IGSF21: variants seen among roughly 807,000 people sequenced by gnomAD.
IGSF21 encodes immunoglobulin superfamily member 21.
A neutral mutation model predicts 46.8 loss-of-function variants in IGSF21; 28 were observed. That is an observed-to-expected ratio of 0.60 (90% CI 0.44 to 0.82). The LOEUF is 0.82. Among genes scored for constraint, IGSF21 ranks in the 40% least tolerant of loss-of-function variants. IGSF21 has a pLI of 0.00. For synonymous variants in IGSF21, 284 were observed against 273.6 expected, an observed-to-expected ratio of 1.04 and a Z score of -0.38; for missense variants, 624 against 665.5, an observed-to-expected ratio of 0.94 and a Z score of 0.69.
chr1:18,208,548 ATTTTT>A (rs10601446), intron 1 of IGSF21, among the ~76,000 whole-genome samples: 33 of 85,832 alleles, frequency 3.8e-4, no homozygotes, highest in African/African-American at 1.2e-3. Context: ...AGCCCAGCTA[ATTTTT>A]TTTTTTTTTT....
chr1:18,121,916 CG>C (rs1156838215), intron 1 of IGSF21, among the ~76,000 whole-genome samples: 1 of 152,220 alleles, frequency 6.6e-6, no homozygotes, highest in Non-Finnish European at 1.5e-5. Flanking sequence ...TAAGGGGACA[CG>C]TTCTGTAGGC....
In IGSF21 at chr1:18,337,091, A is replaced by C. The variant is rs1405014570; in HGVS notation, c.424+2081A>C. Among the ~76,000 whole-genome samples, 2 of 152,200 alleles carry C rather than the reference A, an allele frequency of 1.3e-5. No homozygotes were observed. Among genetic ancestry groups the C allele is most frequent in the African/African-American group, 4.8e-5 (2 of 41,442 alleles). ...ATTTGAGTTGGGACACAGCCAAACC[A>C]TATCATGTATCATCAGAGGGTTGAC... is the stretch of plus-strand genomic sequence containing the variant. On this transcript the variant is annotated intron_variant, in intron 4 of 9. Coordinates refer to ENST00000251296, the MANE Select transcript of IGSF21 (RefSeq NM_032880.5). This position sits in a 1 kb window ranked among gnomAD's most constrained non-coding sequence, Gnocchi z 5.7.
intron 3 of IGSF21, among the ~76,000 whole-genome samples, chr1:18,294,271 G>T (rs528320165): frequency 2.4e-4 from 37 of 152,162 alleles, no homozygotes; most frequent in Non-Finnish European, 4.7e-4. Flanking sequence ...CAAGTGAAGT[G>T]CTGGTTTCCG....
At chr1:18,314,449 A>G (rs1351418106) in intron 3 of IGSF21, among the ~76,000 whole-genome samples, 1 of 152,194 alleles carries the variant, frequency 6.6e-6, no homozygotes, top group African/African-American at 2.4e-5. Context: ...ATTCATGCCT[A>G]ATTAATAATG....
At chr1:18,273,380 C>A (rs542653205) in intron 2 of IGSF21, among the ~76,000 whole-genome samples, 1 of 143,178 alleles carries the variant, frequency 7.0e-6, no homozygotes, top group Non-Finnish European at 1.5e-5. Flanking sequence ...CTTTCCTTTC[C>A]TTTCCTTTCC....
chr1:18,306,922 G>C (rs1339413955), intron 3 of IGSF21, among the ~76,000 whole-genome samples: 1 of 152,238 alleles, frequency 6.6e-6, no homozygotes, highest in Non-Finnish European at 1.5e-5. Flanking sequence ...TCCAGGCACA[G>C]CCAGGACTGG....
At chr1:18,117,845 C>T (rs1237237179) in intron 1 of IGSF21, among the ~76,000 whole-genome samples, 2 of 152,210 alleles carry the variant, frequency 1.3e-5, no homozygotes, top group African/African-American at 4.8e-5. Context: ...TCTCCTCTCT[C>T]CCCATTTTAC....
chr1:18,330,745 T>C (rs976092974), intron 3 of IGSF21, among the ~76,000 whole-genome samples: 1 of 152,194 alleles, frequency 6.6e-6, no homozygotes, highest in African/African-American at 2.4e-5. Context: ...TGATGATTCT[T>C]ATCTCTCTTT....
intron 4 of IGSF21, among the ~76,000 whole-genome samples, chr1:18,347,667 G>A (rs776470595): frequency 6.6e-5 from 10 of 152,182 alleles, no homozygotes; most frequent in Non-Finnish European, 8.8e-5. Context: ...GGAGGGAAGC[G>A]AGGCCTTTGA....
chr1:18,377,325 G>A (rs1383477608), intron 8 of IGSF21, 68 bp from the exon 9 acceptor site: 8 of 1,372,792 alleles, frequency 5.8e-6, no homozygotes, highest in Non-Finnish European at 7.3e-6. Context: ...GCTGGGTAAA[G>A]GGCCATTCCT....
chr1:18,249,608 G>A (rs1228531084), intron 2 of IGSF21, among the ~76,000 whole-genome samples: 1 of 152,162 alleles, frequency 6.6e-6, no homozygotes, highest in East Asian at 1.9e-4. Flanking sequence ...AAGCTGTTTT[G>A]CCCCCGTGGT....
intron 1 of IGSF21, among the ~76,000 whole-genome samples, chr1:18,202,267 C>T (rs2124483700): frequency 1.3e-5 from 2 of 152,314 alleles, no homozygotes; most frequent in Middle Eastern, 6.8e-3. Context: ...CTCACATTCT[C>T]AGGGCTGGCT....
intron 1 of IGSF21, among the ~76,000 whole-genome samples, chr1:18,120,117 G>C (rs564765403): frequency 6.6e-6 from 1 of 152,350 alleles, no homozygotes; most frequent in East Asian, 1.9e-4. Context: ...TCAGCCTGGA[G>C]CGTCTGAGGA....
At chr1:18,164,453 C>T (rs368531248) in intron 1 of IGSF21, among the ~76,000 whole-genome samples, 5 of 151,918 alleles carry the variant, frequency 3.3e-5, no homozygotes, top group African/African-American at 1.2e-4. Context: ...TTCTTTCAAT[C>T]GGATATTGAT....
chr1:18,238,079 C>T (rs982830345), intron 2 of IGSF21, among the ~76,000 whole-genome samples: 1 of 152,094 alleles, frequency 6.6e-6, no homozygotes, highest in African/African-American at 2.4e-5. Context: ...GCAGAATATT[C>T]TCAAAGGACT....
intron 1 of IGSF21, among the ~76,000 whole-genome samples, chr1:18,163,247 A>G (rs1399725332): frequency 6.6e-6 from 1 of 152,156 alleles, no homozygotes. Context: ...AAGAAAAAAA[A>G]AAGGCAATGT....
At chr1:18,194,039 T>G (rs2086983981) in intron 1 of IGSF21, among the ~76,000 whole-genome samples, 1 of 152,174 alleles carries the variant, frequency 6.6e-6, no homozygotes, top group Non-Finnish European at 1.5e-5. Context: ...AATGATCATG[T>G]GGGCTGTTTC....
chr1:18,342,944 T>C (rs2085857875), intron 4 of IGSF21, among the ~76,000 whole-genome samples: 1 of 152,182 alleles, frequency 6.6e-6, no homozygotes, highest in Admixed American at 6.5e-5. Flanking sequence ...TTCTCTTGGG[T>C]ATGTATCCTT....
intron 2 of IGSF21, among the ~76,000 whole-genome samples, chr1:18,291,512 T>C (rs962248988): frequency 1.3e-5 from 2 of 152,302 alleles, no homozygotes; most frequent in Middle Eastern, 3.4e-3. Context: ...CCCTCCATGA[T>C]CTGGCCCACA....
Sources: gnomAD v4.1 joint callset for allele counts (sites outside exome capture counted in the v4.1 genomes callset) on GRCh38, gnomAD v4.1.1 for gene constraint, Gnocchi (gnomAD v3.1) non-coding constraint, MANE v1.5 for transcripts, NCBI Gene and HGNC (gene_info 2026-07-23, HGNC 2026-07-21) for gene names.